The following ATP13A3 variants were observed in gnomAD, a reference collection of about 807,000 sequenced individuals.
ATP13A3 encodes polyamine-transporting ATPase 13A3.
A neutral mutation model predicts 158.1 loss-of-function variants in ATP13A3; 59 were observed. The observed-to-expected ratio is 0.37, with a 90% CI of 0.30 to 0.46. The LOEUF (loss-of-function observed/expected upper bound fraction) is 0.46. ATP13A3 is among the 20% of genes least tolerant of loss of function. The probability of loss-of-function intolerance (pLI) is 1.00; values close to 1 mark genes in which losing one functional copy is unlikely to be tolerated. For missense variants in ATP13A3, 1,166 were observed against 1,525.2 expected (o/e 0.76, Z 3.92); for synonymous variants, 491 against 504.3 (o/e 0.97, Z 0.35).
At position 194,404,197 on chromosome 3, in the gene ATP13A3, G is replaced by T. The variant is rs925435493; in HGVS notation, c.*1722C>A. On this transcript the variant is annotated 3_prime_UTR_variant, in exon 34 of 34. Coordinates refer to ENST00000645319, the MANE Select transcript of ATP13A3 (RefSeq NM_001367549.1). ...GAGGTCTAAGATGCATAGCTTCATA[G>T]AATCATTCATGGAACAACTGTTATC... is the stretch of plus-strand genomic sequence containing the variant. 4.7e-6 allele frequency: 2 copies of T among 426,422 alleles called. No individual in the cohort carries two copies. The highest frequency in any genetic ancestry group is 4.2e-5 in the African/African-American group (2 of 48,024). The allele number at this position is 426,422 out of a possible 1,614,324, so 26.4% of individuals were successfully genotyped here.
intron 33 of ATP13A3, among the ~76,000 whole-genome samples, chr3:194,410,471 G>A (rs1016461211): frequency 2.0e-5 from 3 of 152,060 alleles, no homozygotes; most frequent in Admixed American, 1.3e-4. Flanking sequence ...GGGAGGCTGA[G>A]GTGGGAGGAT....
At chr3:194,434,192 G>A (rs1577051703) in intron 20 of ATP13A3, among the ~76,000 whole-genome samples, 1 of 152,200 alleles carries the variant, frequency 6.6e-6, no homozygotes, top group Non-Finnish European at 1.5e-5. Context: ...ATTCTTTACT[G>A]CCCTCTACAA....
At chr3:194,474,210 C>G (rs994986278) in intron 2 of ATP13A3, among the ~76,000 whole-genome samples, 1 of 152,082 alleles carries the variant, frequency 6.6e-6, no homozygotes, top group African/African-American at 2.4e-5. Context: ...GTCACCCAGG[C>G]TGGAAGACAG....
rs746788728 is a variant in ATP13A3 at position 194,412,225 on chromosome 3, G to A, written c.3547C>T (p.Arg1183Trp). 38 of 1,536,284 alleles carry A rather than the reference G, an allele frequency of 2.5e-5. No individual in the cohort carries two copies. In the South Asian group the frequency reaches 3.3e-4, roughly 13 times the overall value. The change falls in exon 33 of 34, where the codon CGG (arginine) becomes TGG (tryptophan). Residue 1183 changes from arginine (R) to tryptophan (W), a missense_variant. By Grantham distance (101) the Arg-to-Trp change is moderately radical (BLOSUM62 -3). Around this residue, in one of 3 missense-constraint regions of ATP13A3, gnomAD observed 997 missense variants for 1,341.2 expected, o/e 0.74. Transcript: ENST00000645319. The stretch of plus-strand genomic sequence containing the variant: ...TGCGGTGGCTGTGTGGTGCTGAACC[G>A]ATACTCTCCTTGTTTGTCTCGGTTG... ...VFNRDKQGEY[R>W]FSTTQPPQES...
chr3:194,430,418 C>T (rs965915602), intron 24 of ATP13A3, 103 bp from the exon 25 acceptor site: 4 of 1,236,322 alleles, frequency 3.2e-6, no homozygotes, highest in Admixed American at 4.1e-5. Flanking sequence ...AGCTAACACA[C>T]CAAGATTCCC....
intron 4 of ATP13A3, among the ~76,000 whole-genome samples, 177 bp downstream of exon 4, chr3:194,460,481 T>G (rs1719571818): frequency 6.6e-6 from 1 of 152,136 alleles, no homozygotes; most frequent in Admixed American, 6.5e-5. Context: ...TCCTTTAAAC[T>G]CTAATCATTA....
At chr3:194,474,292 G>A (rs1416011226) in intron 2 of ATP13A3, among the ~76,000 whole-genome samples, 1 of 152,060 alleles carries the variant, frequency 6.6e-6, no homozygotes, top group Non-Finnish European at 1.5e-5. Context: ...GGAAGGGGCT[G>A]CAGGCCTGAG....
At chr3:194,493,384 C>A (rs1721167375) in intron 2 of ATP13A3, among the ~76,000 whole-genome samples, 1 of 152,044 alleles carries the variant, frequency 6.6e-6, no homozygotes, top group Non-Finnish European at 1.5e-5. Flanking sequence ...GCACGGCTCA[C>A]CCCTGTAATC....
At chr3:194,477,722 G>A (rs769678429) in intron 2 of ATP13A3, among the ~76,000 whole-genome samples, 4 of 152,148 alleles carry the variant, frequency 2.6e-5, no homozygotes, top group African/African-American at 9.7e-5. Context: ...ACACTCTATC[G>A]CACAGAAAGA....
intron 2 of ATP13A3, among the ~76,000 whole-genome samples, chr3:194,475,790 A>T (rs1357549471): frequency 1.3e-5 from 2 of 152,134 alleles, no homozygotes; most frequent in Non-Finnish European, 2.9e-5. Flanking sequence ...CACAATAGTG[A>T]CGCCTGTATG....
At chr3:194,441,617 G>C in intron 15 of ATP13A3, among the ~76,000 whole-genome samples, 156 bp from the exon 16 acceptor site, 1 of 152,202 alleles carries the variant, frequency 6.6e-6, no homozygotes, top group East Asian at 1.9e-4. Flanking sequence ...GAAATACAGG[G>C]AAAAGAAAAC....
intron 33 of ATP13A3, among the ~76,000 whole-genome samples, chr3:194,409,693 ATTTTTTTTTT>A (rs71179358): frequency 6.2e-4 from 58 of 93,992 alleles, no homozygotes; most frequent in East Asian, 5.4e-3. Flanking sequence ...GACGTAAAGA[ATTTTTTTTTT>A]TTTTTTTTTT....
intron 21 of ATP13A3, among the ~76,000 whole-genome samples, chr3:194,432,335 G>C (rs924129974): frequency 1.6e-4 from 24 of 152,098 alleles, no homozygotes; most frequent in African/African-American, 5.8e-4. Flanking sequence ...AAACAAAAAG[G>C]TAAGACAGGT....
intron 22 of ATP13A3, 42 bp downstream of exon 22, chr3:194,431,675 A>G (rs753085526): frequency 1.4e-6 from 2 of 1,450,964 alleles, no homozygotes; most frequent in Non-Finnish European, 9.1e-7. Flanking sequence ...GACTAAATTT[A>G]AATCAACAAA....
In ATP13A3 at chr3:194,439,000, A is replaced by C. The variant is rs368690383; in HGVS notation, c.1711-28T>G. On this transcript the variant is annotated intron_variant, in intron 16 of 33. Transcript: ENST00000645319. Reference sequence around the variant, plus strand: ...GGAAAAAAAAAAGAGACAAAAAAAAACAAAAACACAACATTCAAGCACTGC... The same window carrying C: ...GGAAAAAAAAAAGAGACAAAAAAAACCAAAAACACAACATTCAAGCACTGC... 205 of 1,441,862 alleles carry C rather than the reference A, an allele frequency of 1.4e-4. 2 individuals carry two copies. Among genetic ancestry groups the C allele is most frequent in the South Asian group, 1.1e-3 (90 of 80,618 alleles). The allele number at this position is 1,441,862 out of a possible 1,614,324, so 89.3% of individuals were successfully genotyped here.
intron 13 of ATP13A3, 142 bp downstream of exon 13, chr3:194,447,710 C>T: frequency 1.3e-6 from 1 of 746,196 alleles, no homozygotes; most frequent in Non-Finnish European, 2.2e-6. Context: ...AGTCTCATGA[C>T]TTTGTTAGCA....
At chr3:194,438,054 G>A (rs1717787165) in intron 17 of ATP13A3, among the ~76,000 whole-genome samples, 1 of 152,184 alleles carries the variant, frequency 6.6e-6, no homozygotes, top group Admixed American at 6.5e-5. Context: ...CAGCTCCTCA[G>A]GAGGCTGAGG....
chr3:194,446,389 C>T (rs1245235383), intron 14 of ATP13A3, among the ~76,000 whole-genome samples: 1 of 152,124 alleles, frequency 6.6e-6, no homozygotes, highest in Non-Finnish European at 1.5e-5. Context: ...TTTAAATGGT[C>T]CCAGTCTGCG....
chr3:194,418,034 AGAAGGAAT>A (rs1220318422), intron 31 of ATP13A3, among the ~76,000 whole-genome samples: 1 of 150,962 alleles, frequency 6.6e-6, no homozygotes, highest in African/African-American at 2.4e-5. Context: ...GAGGAAGGAA[AGAAGGAAT>A]GAAGGAAGGA....
Sources: allele counts gnomAD v4.1 joint callset (sites outside exome capture counted in the v4.1 genomes callset), GRCh38; gene constraint gnomAD v4.1.1; regional missense constraint gnomAD v4.1.1; transcripts MANE v1.5; gene names NCBI Gene and HGNC (gene_info 2026-07-23, HGNC 2026-07-21).